Variants in WDR46 observed in about 807,000 individuals in gnomAD.
WDR46 encodes WD repeat domain 46.
WDR46 carries 58 observed loss-of-function variants against 74.7 expected under a neutral mutation model. The ratio of observed to expected loss-of-function variants is 0.78; its 90% CI spans 0.63 to 0.97. The LOEUF is 0.97. Ranked by LOEUF, WDR46 falls within the 50% of genes least tolerant of loss-of-function variation. The pLI, the probability that WDR46 is intolerant of heterozygous loss-of-function variation, is 0.00. For synonymous variants in WDR46, 278 were observed against 297.3 expected (o/e 0.93, Z 0.67); for missense variants, 702 against 790.1 (o/e 0.89, Z 1.34).
At chr6:33,281,669 G>C (rs752287900) in intron 10 of WDR46, among the ~76,000 whole-genome samples, 3 of 152,182 alleles carry the variant, frequency 2.0e-5, no homozygotes, top group Admixed American at 6.5e-5. Flanking sequence ...CAAAGTGAAG[G>C]CTCCAAGGAC....
chr6:33,288,081 GC>G, intron 5 of WDR46, 55 bp from the exon 6 acceptor site: 1 of 1,613,666 alleles, frequency 6.2e-7, no homozygotes, highest in Non-Finnish European at 8.5e-7. Flanking sequence ...CCTTCTTCTA[GC>G]CCCCATTCCT....
At chr6:33,279,423 G>A (rs780172288) in intron 14 of WDR46, 49 bp from the exon 15 acceptor site, 9 of 1,611,150 alleles carry the variant, frequency 5.6e-6, no homozygotes, top group Non-Finnish European at 2.5e-6. Flanking sequence ...AGAAGTGGCA[G>A]GCTGACAAGG....
chr6:33,288,134 C>A lies in WDR46; in HGVS notation c.561+14G>T. 1 of 1,614,196 alleles carries A rather than the reference C, an allele frequency of 6.2e-7. No homozygotes were observed. Among genetic ancestry groups the A allele is most frequent in the Non-Finnish European group, 8.5e-7 (1 of 1,180,034 alleles). On this transcript the variant is annotated intron_variant, in intron 5 of 14. Transcript: ENST00000374617. The stretch of plus-strand genomic sequence containing the variant: ...CCAATCAATCCCTTGGCTCCTTTAC[C>A]TCCTCAGGCTCACCTTGGCTGCACT...
rs1304166151 is a variant in WDR46, at chr6:33,280,543, G to A, written c.1430-21C>T. Reference sequence around the variant, plus strand: ...GGCCCCTGAAGGGAGGGAGGGAGAAGCATGGAGCCATAAGGAAGAACCTCA... The same window carrying A: ...GGCCCCTGAAGGGAGGGAGGGAGAAACATGGAGCCATAAGGAAGAACCTCA... On this transcript the variant is annotated intron_variant, in intron 11 of 14. Coordinates refer to ENST00000374617, the MANE Select transcript of WDR46 (RefSeq NM_005452.6). 8.1e-6 allele frequency: 13 copies of A among 1,598,984 alleles called. No individual in the cohort carries two copies. The Admixed American group carries it at 8.6e-5, about 11-fold the overall frequency.
intron 10 of WDR46, chr6:33,284,719 T>C (rs976929103): frequency 6.5e-6 from 1 of 153,776 alleles, no homozygotes. Context: ...AAGCCAAGAA[T>C]GGTTTTTACA....
Position 33,286,844 on chromosome 6 carries a change from G to T in WDR46, c.1066C>A (p.Leu356Ile). 1 of 1,614,078 alleles carries T rather than the reference G, an allele frequency of 6.2e-7. No individual in the cohort carries two copies. The highest frequency in any genetic ancestry group is 8.5e-7 in the Non-Finnish European group (1 of 1,180,034). The change falls in exon 10 of 15, where the codon CTC (leucine) becomes ATC (isoleucine). Residue 356 changes from leucine to isoleucine, a missense_variant. Leu to Ile is a conservative substitution (Grantham distance 5). Coordinates refer to ENST00000374617, the MANE Select transcript of WDR46 (RefSeq NM_005452.6). ...PAMKEPLAKI[L>I]CHRGGVRAVA... ...GCCCGGACCCCACCACGATGACAGA[G>T]AATCTTTGCCAGTGGCTCCTTCATA...
At chr6:33,280,342 AGGAACCTCACCCTCTCCAGGACGGG>A in intron 12 of WDR46, 61 bp downstream of exon 12, 1 of 1,402,052 alleles carries the variant, frequency 7.1e-7, no homozygotes, top group Non-Finnish European at 9.8e-7. Flanking sequence ...TCCAGGAAGG[AGGAACCTCACCCTCTCCAGGACGGG>A]GGAACCTGAC....
rs147718102 is a variant in WDR46 at position 33,287,209 on chromosome 6, T to C, written c.897A>G (p.Leu299=). 5.0e-6 allele frequency: 8 copies of C among 1,613,836 alleles called. No individual in the cohort carries two copies. The highest frequency in any genetic ancestry group is 4.5e-5 in the East Asian group (2 of 44,834). ...LLATASETGF[L]TYLDVSVGKI... is the part of the protein sequence containing the mutation. Reference sequence around the variant, plus strand: ...TCCCCACTGACACATCCAGGTAGGTTAGAAACCCTGTTTCTGACTGAGAGA... The same window carrying C: ...TCCCCACTGACACATCCAGGTAGGTCAGAAACCCTGTTTCTGACTGAGAGA... The change falls in exon 9 of 15, where the codon CTA becomes CTG. Residue 299 remains leucine (L), a synonymous_variant. Transcript: ENST00000374617.
chr6:33,287,268 C>G, intron 8 of WDR46, 42 bp from the exon 9 acceptor site: 1 of 1,612,580 alleles, frequency 6.2e-7, no homozygotes, highest in Non-Finnish European at 8.5e-7. Flanking sequence ...TCCTGATTGC[C>G]CTCTGTATTC....
At position 33,287,533 on chromosome 6, in the gene WDR46, G is replaced by A. The variant is rs768034546; in HGVS notation, c.729-28C>T. 3.1e-6 allele frequency: 5 copies of A among 1,613,552 alleles called. No homozygotes were observed. In the East Asian group the frequency reaches 6.7e-5, roughly 22 times the overall value. On this transcript the variant is annotated intron_variant, in intron 7 of 14. Transcript: ENST00000374617. Reference sequence around the variant, plus strand: ...GGGGGAGAGGAAGAGTGGTTCAATTGGGAAATGAGGTCACAGGCTATCATT... The same window carrying A: ...GGGGGAGAGGAAGAGTGGTTCAATTAGGAAATGAGGTCACAGGCTATCATT...
At chr6:33,281,021 G>A in intron 10 of WDR46, 34 bp from the exon 11 acceptor site, 1 of 1,550,998 alleles carries the variant, frequency 6.4e-7, no homozygotes, top group Non-Finnish European at 8.7e-7. Flanking sequence ...TAATATGTCA[G>A]TAAATGGGTT....
intron 10 of WDR46, among the ~76,000 whole-genome samples, chr6:33,282,256 C>A (rs1033909124): frequency 2.6e-5 from 4 of 152,186 alleles, no homozygotes; most frequent in African/African-American, 2.4e-5. Context: ...TTCTTATGAG[C>A]AGAGACTTGC....
At chr6:33,288,547 G>C in intron 3 of WDR46, 67 bp downstream of exon 3, 1 of 1,607,372 alleles carries the variant, frequency 6.2e-7, no homozygotes, top group Non-Finnish European at 8.5e-7. Flanking sequence ...ACCTGTCCCA[G>C]CCTCCATCCA....
chr6:33,286,949 A>G, intron 9 of WDR46, 55 bp from the exon 10 acceptor site: 1 of 1,600,260 alleles, frequency 6.2e-7, no homozygotes, highest in Non-Finnish European at 8.5e-7. Flanking sequence ...TGAGGTTACT[A>G]AACATGGGAA....
intron 6 of WDR46, 23 bp downstream of exon 6, chr6:33,287,942 G>C: frequency 1.2e-6 from 2 of 1,613,366 alleles, no homozygotes; most frequent in South Asian, 2.2e-5. Context: ...CTTAGTTCAA[G>C]AGTCACTAGA....
intron 6 of WDR46, 49 bp from the exon 7 acceptor site, chr6:33,287,767 C>G (rs775344247): frequency 6.2e-7 from 1 of 1,603,624 alleles, no homozygotes; most frequent in Admixed American, 1.7e-5. Flanking sequence ...GGACCACCGA[C>G]TCAGACAACT....
chr6:33,279,906 G>A (rs1174798843), intron 12 of WDR46, 47 bp from the exon 13 acceptor site: 1 of 1,593,340 alleles, frequency 6.3e-7, no homozygotes, highest in Non-Finnish European at 8.6e-7. Flanking sequence ...GCCACAGGAG[G>A]GTAGCACCAA....
Position 33,288,865 on chromosome 6 carries a change from G to A in WDR46, c.218C>T (p.Pro73Leu), listed in dbSNP as rs777720459. ...TTCTCGGGGTTTCTTCGGGACCTGA[G>A]GCTTCTTAGAGATCCGAGACTTCTT... Reference protein sequence around the residue: ...ILKKSRISKKPQVPKKPREWK... With the variant: ...ILKKSRISKKLQVPKKPREWK... The change falls in exon 2 of 15, where the codon CCT becomes CTT. Residue 73 changes from proline to leucine, a missense_variant. By Grantham distance (98) the Pro-to-Leu change is moderately conservative (BLOSUM62 -3). Transcript: ENST00000374617. 6.2e-7 allele frequency: 1 copy of A among 1,614,158 alleles called. No homozygotes were observed. Among genetic ancestry groups the A allele is most frequent in the South Asian group, 1.1e-5 (1 of 91,074 alleles).
Position 33,288,191 on chromosome 6 carries a change from T to G in WDR46, c.518A>C (p.Gln173Pro), listed in dbSNP as rs1766866471. The stretch of plus-strand genomic sequence containing the variant: ...GTCCACAGCCTCCACAATGTCAGCC[T>G]GGCATATCTTTGCTGTGTCTTCCCC... Reference protein sequence around the residue: ...EDGEDTAKICQADIVEAVDIA... With the variant: ...EDGEDTAKICPADIVEAVDIA... Residue 173 changes from glutamine to proline, a missense_variant, in exon 5 of 15, where the codon CAG becomes CCG. By Grantham distance (76) the Gln-to-Pro change is moderately conservative (BLOSUM62 -1). Coordinates refer to ENST00000374617, the MANE Select transcript of WDR46 (RefSeq NM_005452.6). 1 of 1,614,124 alleles carries G rather than the reference T, an allele frequency of 6.2e-7. No individual in the cohort carries two copies. Among genetic ancestry groups the G allele is most frequent in the African/African-American group, 1.3e-5 (1 of 74,952 alleles).
Sources: allele counts gnomAD v4.1 joint callset (sites outside exome capture counted in the v4.1 genomes callset), GRCh38; gene constraint gnomAD v4.1.1; transcripts MANE v1.5; gene names NCBI Gene and HGNC (gene_info 2026-07-23, HGNC 2026-07-21).